The following PIGT variants were observed in gnomAD, a reference collection of about 807,000 sequenced individuals.
PIGT encodes phosphatidylinositol glycan anchor biosynthesis class T, also known as GPI-anchor transamidase component PIGT.
PIGT carries 57 observed loss-of-function variants against 66.7 expected under a neutral mutation model. That is an observed-to-expected ratio of 0.86 (90% CI 0.69 to 1.07). The LOEUF (loss-of-function observed/expected upper bound fraction) is 1.07, where lower values mean the gene tolerates loss of function less well. PIGT is among the 50% of genes least tolerant of loss of function. The pLI is 0.00. For synonymous variants in PIGT, 362 were observed against 320.5 expected (o/e 1.13, Z -1.38); for missense variants, 725 against 740.4 (o/e 0.98, Z 0.24).
chr20:45,423,950 G>A (rs1437340468), intron 9 of PIGT: 2 of 459,028 alleles, frequency 4.4e-6, no homozygotes, highest in African/African-American at 3.9e-5. Flanking sequence ...TTGGTGTCTG[G>A]TGCCCCAGTT....
Position 45,425,161 on chromosome 20 carries a change from T to C in PIGT, c.1485-413T>C, listed in dbSNP as rs1285984575. 44 of 133,034 alleles carry C rather than the reference T, an allele frequency of 3.3e-4. 1 individual carries two copies. The highest frequency in any genetic ancestry group is 1.3e-3 in the African/African-American group (44 of 34,858). The allele number at this position is 133,034 out of a possible 1,614,324, so 8.2% of individuals were successfully genotyped here. ...TCTTTCTCTTTCTTTCTTTCTTTCTTTCTTTCTTTCTTTCTTTCTTTCTTT... is the reference window on the plus strand; with the variant it reads ...TCTTTCTCTTTCTTTCTTTCTTTCTCTCTTTCTTTCTTTCTTTCTTTCTTT... On this transcript the variant is annotated intron_variant, in intron 11 of 11. Coordinates refer to ENST00000279036, the MANE Select transcript of PIGT (RefSeq NM_015937.6).
rs144849814 is a variant in PIGT at position 45,421,117 on chromosome 20, A to G, written c.1034-266A>G. ...CAGTTCCCTTACCAAGGGAAAGAGC[A>G]GAATATCCTGAGAGGACCTGGATTG... On this transcript the variant is annotated intron_variant, in intron 8 of 11. Coordinates refer to ENST00000279036, the MANE Select transcript of PIGT (RefSeq NM_015937.6). 11 of 549,304 alleles carry G rather than the reference A, an allele frequency of 2.0e-5. No homozygotes were observed. The East Asian group carries it at 3.3e-4, about 17-fold the overall frequency. 34.0% of individuals were successfully genotyped at this position (549,304 alleles called of 1,614,324 possible).
rs145469946 is a variant in PIGT, at chr20:45,420,578, C to T, written c.918C>T (p.Asp306=). 9.5e-4 allele frequency: 1,535 copies of T among 1,613,718 alleles called. 1 individual carries two copies. Among genetic ancestry groups the T allele is most frequent in the Non-Finnish European group, 1.2e-3 (1,419 of 1,179,966 alleles). The stretch of plus-strand genomic sequence containing the variant: ...CACCCCCGACCACTACATATCAGGA[C>T]GTCATCCTAGGCACTCGGAAGACCT... ...VHPPPTTTYQ[D]VILGTRKTYA... Residue 306 remains aspartate (D), a synonymous_variant, in exon 8 of 12, where the codon GAC becomes GAT. Coordinates refer to ENST00000279036, the MANE Select transcript of PIGT (RefSeq NM_015937.6).
intron 2 of PIGT, 120 bp from the exon 3 acceptor site, chr20:45,418,732 C>A: frequency 1.6e-6 from 2 of 1,255,630 alleles, no homozygotes; most frequent in Non-Finnish European, 2.3e-6. Context: ...CATCAACTGG[C>A]CCGTCTAATA....
intron 5 of PIGT, 183 bp downstream of exon 5, chr20:45,419,773 T>A: frequency 1.6e-6 from 1 of 616,380 alleles, no homozygotes; most frequent in Non-Finnish European, 2.9e-6. Context: ...GAATAAATAT[T>A]TGTCATGGAA....
chr20:45,416,490 G>A (rs1361306710), intron 1 of PIGT, 27 bp from the exon 2 acceptor site: 1 of 1,605,356 alleles, frequency 6.2e-7, no homozygotes, highest in Non-Finnish European at 8.5e-7. Flanking sequence ...GGTGGGGATC[G>A]TCACTCACCT....
intron 9 of PIGT, chr20:45,422,189 T>A (rs1303116145): frequency 6.6e-6 from 1 of 152,146 alleles, no homozygotes; most frequent in Non-Finnish European, 1.5e-5. Context: ...GAAGAGGTTG[T>A]ACCATATCCC....
Position 45,419,316 on chromosome 20 carries a change from G to A in PIGT, c.515G>A (p.Arg172His), listed in dbSNP as rs750403754. 8 of 1,614,054 alleles carry A rather than the reference G, an allele frequency of 5.0e-6. No homozygotes were observed. Among genetic ancestry groups the A allele is most frequent in the South Asian group, 1.1e-5 (1 of 91,080 alleles). ...LANDTDHYFL[R>H]YAVLPREVVC... ...TCAGACACTGACCACTACTTTCTGC[G>A]CTATGCTGTGCTGCCGCGGGAGGTG... Residue 172 changes from arginine to histidine, a missense_variant, in exon 4 of 12, where the codon CGC (arginine) becomes CAC (histidine). By Grantham distance (29) the Arg-to-His change is conservative. Around this residue, in one of 3 missense-constraint regions of PIGT, gnomAD observed 559 missense variants for 552.7 expected, o/e 1.01. Coordinates refer to ENST00000279036, the MANE Select transcript of PIGT (RefSeq NM_015937.6).
At chr20:45,421,320 AGGTGG>A in intron 8 of PIGT, 58 bp from the exon 9 acceptor site, 1 of 1,411,576 alleles carries the variant, frequency 7.1e-7, no homozygotes. Context: ...TGGCCTGGGC[AGGTGG>A]GGTGGGGAGT....
intron 1 of PIGT, 82 bp downstream of exon 1, chr20:45,416,425 G>C: frequency 6.4e-7 from 1 of 1,558,258 alleles, no homozygotes; most frequent in Non-Finnish European, 8.7e-7. Context: ...CAAACTTTGG[G>C]GGCGGGGCCT....
At chr20:45,423,884 G>T in intron 9 of PIGT, 1 of 314,886 alleles carries the variant, frequency 3.2e-6, no homozygotes, top group Non-Finnish European at 6.1e-6. Flanking sequence ...CCACATTTTT[G>T]GCAAGAAAAA....
intron 9 of PIGT, chr20:45,422,006 A>G (rs2145457874): frequency 6.5e-6 from 1 of 152,904 alleles, no homozygotes; most frequent in South Asian, 2.1e-4. Flanking sequence ...AAAGAGGTAC[A>G]GTTAATTAAA....
At chr20:45,423,931 A>G (rs912902592) in intron 9 of PIGT, 9 of 427,238 alleles carry the variant, frequency 2.1e-5, no homozygotes, top group African/African-American at 1.6e-4. Flanking sequence ...CTTGCGTCAC[A>G]TCAGGCACTT....
At position 45,420,082 on chromosome 20, in the gene PIGT, G is replaced by T. The variant is rs983997260; in HGVS notation, c.682-54G>T. 29 of 1,262,844 alleles carry T rather than the reference G, an allele frequency of 2.3e-5. No individual in the cohort carries two copies. In the East Asian group the frequency reaches 3.6e-4, roughly 16 times the overall value. The allele number at this position is 1,262,844 out of a possible 1,614,324, so 78.2% of individuals were successfully genotyped here. On this transcript the variant is annotated intron_variant, in intron 5 of 11. Coordinates refer to ENST00000279036, the MANE Select transcript of PIGT (RefSeq NM_015937.6). ...AGTCTGAGTAGGAGTCTTTTTGGGGGCTGTGTGGTGAGAGTGATACCCCCT... is the reference window on the plus strand; with the variant it reads ...AGTCTGAGTAGGAGTCTTTTTGGGGTCTGTGTGGTGAGAGTGATACCCCCT...
chr20:45,416,658 C>T lies in PIGT; in HGVS notation c.329C>T (p.Ala110Val). ...GPPFLQAPSGAELWVWFQDTV... is the reference protein window; with the variant it reads ...GPPFLQAPSGVELWVWFQDTV... ...CCCTTCCTGCAGGCCCCATCAGGTG[C>T]AGAGCTGTGGGTCTGGTTCCAAGAC... Residue 110 changes from alanine (A) to valine (V), a missense_variant, in exon 2 of 12, where the codon GCA (alanine) becomes GTA (valine). Ala to Val is a moderately conservative substitution (Grantham distance 64). Coordinates refer to ENST00000279036, the MANE Select transcript of PIGT (RefSeq NM_015937.6). The T allele has an allele frequency of 6.2e-7, 1 of 1,613,982 alleles. No homozygotes were observed. The highest frequency in any genetic ancestry group is 8.5e-7 in the Non-Finnish European group (1 of 1,179,984).
At position 45,418,985 on chromosome 20, in the gene PIGT, A is replaced by G. The variant is rs369893508; in HGVS notation, c.493+6A>G. 1 of 1,614,096 alleles carries G rather than the reference A, an allele frequency of 6.2e-7. No individual in the cohort carries two copies. On this transcript the variant is annotated splice_donor_region_variant and intron_variant, in intron 3 of 11. Coordinates refer to ENST00000279036, the MANE Select transcript of PIGT (RefSeq NM_015937.6). ...ACCCCTGGGTCTGGCCAATGGTGAG[A>G]TAACCCCTACAGCCCTTTCCTTCTT...
intron 2 of PIGT, 198 bp from the exon 3 acceptor site, chr20:45,418,654 A>G: frequency 1.7e-6 from 1 of 575,220 alleles, no homozygotes. Flanking sequence ...GAGGAGAGTG[A>G]GGAAGAAGGG....
Position 45,420,128 on chromosome 20 carries a change from T to A in PIGT, c.682-8T>A. ...CCCCTCACTGCTGCCATCTGGCCCT[T>A]GTGATAGAATGCACGCTGTACTAGC... is the stretch of plus-strand genomic sequence containing the variant. On this transcript the variant is annotated splice_region_variant and splice_polypyrimidine_tract_variant and intron_variant, in intron 5 of 11. Coordinates refer to ENST00000279036, the MANE Select transcript of PIGT (RefSeq NM_015937.6). The A allele has an allele frequency of 1.2e-6, 2 of 1,606,492 alleles. No homozygotes were observed. Among genetic ancestry groups the A allele is most frequent in the Non-Finnish European group, 1.7e-6 (2 of 1,175,188 alleles).
At chr20:45,416,834 G>A (rs1411399045) in intron 2 of PIGT, 140 bp downstream of exon 2, 1 of 713,776 alleles carries the variant, frequency 1.4e-6, no homozygotes, top group Non-Finnish European at 2.2e-6. Context: ...TTGGAAGTAA[G>A]AAATGTTACC....
Sources: gnomAD v4.1 joint callset for allele counts on GRCh38, gnomAD v4.1.1 for gene constraint, gnomAD v4.1.1 regional missense constraint, MANE v1.5 for transcripts, NCBI Gene and HGNC (gene_info 2026-07-23, HGNC 2026-07-21) for gene names.